The following TCF12 variants were observed in gnomAD, a reference collection of about 807,000 sequenced individuals.
TCF12 encodes transcription factor 12.
In TCF12, 45 loss-of-function variants were observed where a neutral mutation model predicts 86.0. The observed-to-expected ratio is 0.52, with a 90% confidence interval of 0.41 to 0.67. TCF12 has a LOEUF of 0.67. Ranked by LOEUF, TCF12 falls within the 30% of genes least tolerant of loss-of-function variation. The probability of loss-of-function intolerance (pLI) is 0.00; values close to 1 mark genes in which losing one functional copy is unlikely to be tolerated. For missense variants in TCF12, 881 were observed against 859.9 expected (o/e 1.02, Z -0.31); for synonymous variants, 330 against 299.6 (o/e 1.10, Z -1.05).
chr15:57,019,494 G>T (rs909899718), intron 3 of TCF12, among the ~76,000 whole-genome samples: 5 of 152,054 alleles, frequency 3.3e-5, no homozygotes, highest in Non-Finnish European at 7.4e-5. Context: ...GGGAGGCTAA[G>T]GTTTTTAATG....
At chr15:57,155,519 G>T (rs1425441115) in intron 5 of TCF12, among the ~76,000 whole-genome samples, 2 of 152,136 alleles carry the variant, frequency 1.3e-5, no homozygotes, top group East Asian at 1.9e-4. Flanking sequence ...AGCAGGCCAG[G>T]CATGGTGGCT....
chr15:57,231,262 G>A lies in TCF12; in HGVS notation c.685+5G>A, dbSNP rs1209186789. The A allele has an allele frequency of 3.1e-6, 5 of 1,597,200 alleles. No homozygotes were observed. Among genetic ancestry groups the A allele is most frequent in the Non-Finnish European group, 4.3e-6 (5 of 1,165,128 alleles). ...CTAGCACTTTCTTTATGCAAGGTAA[G>A]TACTACCAAACAATTGCCAAATACT... On this transcript the variant is annotated splice_donor_5th_base_variant and intron_variant, in intron 9 of 20. Coordinates refer to ENST00000333725, the MANE Select transcript of TCF12 (RefSeq NM_207037.2).
In TCF12 at chr15:57,103,194, A is replaced by G. The variant is rs143332117; in HGVS notation, c.325+11303A>G. On this transcript the variant is annotated intron_variant, in intron 5 of 20. Transcript: ENST00000333725. ...GAGAATCTCCCCAAAGGGTATGTACAATAAAAATACAGCATTTTCTAGGCT... is the reference window on the plus strand; with the variant it reads ...GAGAATCTCCCCAAAGGGTATGTACGATAAAAATACAGCATTTTCTAGGCT... 3.2e-3 allele frequency among the ~76,000 whole-genome samples: 484 copies of G among 152,370 alleles called. 2 individuals are homozygous for G. Among genetic ancestry groups the G allele is most frequent in the African/African-American group, 0.011 (469 of 41,584 alleles).
chr15:57,074,618 C>A (rs576968887), intron 4 of TCF12, among the ~76,000 whole-genome samples: 4 of 152,268 alleles, frequency 2.6e-5, no homozygotes, highest in Non-Finnish European at 4.4e-5. Context: ...AGTGCCTCTC[C>A]CACCTTAGCC....
chr15:57,262,991 C>T, intron 17 of TCF12, 121 bp from the exon 18 acceptor site: 2 of 995,394 alleles, frequency 2.0e-6, no homozygotes, highest in East Asian at 2.6e-5. Flanking sequence ...ATCTTCAAAC[C>T]TCCATCATAA....
Position 57,047,805 on chromosome 15 carries a change from C to T in TCF12, c.149-15945C>T, listed in dbSNP as rs147406174. Among the ~76,000 whole-genome samples the T allele has an allele frequency of 5.9e-3, 900 of 152,238 alleles. 4 individuals carry two copies. Among genetic ancestry groups the T allele is most frequent in the Non-Finnish European group, 8.9e-3 (606 of 68,002 alleles). On this transcript the variant is annotated intron_variant, in intron 3 of 20. Coordinates refer to ENST00000333725, the MANE Select transcript of TCF12 (RefSeq NM_207037.2). ...ATGTTTTGAGAAATGCCTTGTTAGGCGATTTCATTCTATTGCTAACATCAT... is the reference window on the plus strand; with the variant it reads ...ATGTTTTGAGAAATGCCTTGTTAGGTGATTTCATTCTATTGCTAACATCAT...
chr15:57,252,722 T>C (rs559359503), intron 15 of TCF12, among the ~76,000 whole-genome samples: 45 of 152,288 alleles, frequency 3.0e-4, no homozygotes, highest in Non-Finnish European at 5.7e-4. Context: ...AATTCTAATA[T>C]GTTTGTGTAT....
At chr15:56,993,998 A>G (rs114476688) in intron 3 of TCF12, among the ~76,000 whole-genome samples, 4,448 of 152,248 alleles carry the variant, frequency 0.029, 189 homozygotes, top group African/African-American at 0.089. Context: ...TCAACAGACA[A>G]TTGTGAACAC....
At chr15:57,276,781 A>G (rs1288738816) in intron 19 of TCF12, among the ~76,000 whole-genome samples, 5 of 150,884 alleles carry the variant, frequency 3.3e-5, no homozygotes, top group Admixed American at 2.7e-4. Flanking sequence ...TTCAACCTAG[A>G]ATTCTTTTTT....
intron 3 of TCF12, among the ~76,000 whole-genome samples, chr15:56,994,868 G>C (rs2063624234): frequency 6.6e-6 from 1 of 152,028 alleles, no homozygotes; most frequent in African/African-American, 2.4e-5. Context: ...TTGACATTAG[G>C]AATGAAAGAA....
In TCF12 at chr15:56,932,206, A is replaced by G. The variant is rs572838542; in HGVS notation, c.148+11108A>G. 3.3e-5 allele frequency among the ~76,000 whole-genome samples: 5 copies of G among 152,352 alleles called. No homozygotes were observed. The South Asian group carries it at 8.3e-4, about 25-fold the overall frequency. ...GTTTTAAAACAAAATCAGTGATGATAAGAGTGCTTCATAAATATTTACTCA... is the reference window on the plus strand; with the variant it reads ...GTTTTAAAACAAAATCAGTGATGATGAGAGTGCTTCATAAATATTTACTCA... On this transcript the variant is annotated intron_variant, in intron 3 of 20. Transcript: ENST00000333725.
intron 3 of TCF12, among the ~76,000 whole-genome samples, chr15:56,958,629 G>A (rs2061596611): frequency 6.6e-6 from 1 of 151,460 alleles, no homozygotes; most frequent in African/African-American, 2.4e-5. Flanking sequence ...GTGCAGCATT[G>A]GACAATATAT....
intron 8 of TCF12, among the ~76,000 whole-genome samples, chr15:57,222,288 A>G (rs1172154482): frequency 6.6e-6 from 1 of 151,014 alleles, no homozygotes; most frequent in Non-Finnish European, 1.5e-5. Flanking sequence ...AGATCTTTTA[A>G]TAAAACTGAA....
At chr15:57,241,543 CTGTT>C (rs762916771) in intron 12 of TCF12, among the ~76,000 whole-genome samples, 5 of 152,058 alleles carry the variant, frequency 3.3e-5, no homozygotes, top group Non-Finnish European at 7.4e-5. Flanking sequence ...TAGATCCTGA[CTGTT>C]TGAGATAGTT....
chr15:57,064,849 T>A (rs891738909), intron 4 of TCF12, among the ~76,000 whole-genome samples: 3 of 147,702 alleles, frequency 2.0e-5, no homozygotes, highest in South Asian at 4.2e-4. Flanking sequence ...AAGGCCATAC[T>A]TTAAGTGAAT....
intron 3 of TCF12, among the ~76,000 whole-genome samples, chr15:57,016,105 G>C (rs1329203963): frequency 6.6e-6 from 1 of 152,178 alleles, no homozygotes; most frequent in Admixed American, 6.5e-5. Context: ...CCTGCAGGTA[G>C]TTTATCTCTA....
chr15:57,185,843 C>A (rs1395120379), intron 6 of TCF12, among the ~76,000 whole-genome samples: 1 of 152,144 alleles, frequency 6.6e-6, no homozygotes, highest in Non-Finnish European at 1.5e-5. Flanking sequence ...GTTTGTGCCA[C>A]TGCACTCCAG....
At chr15:57,011,690 C>G (rs2064839457) in intron 3 of TCF12, among the ~76,000 whole-genome samples, 1 of 152,104 alleles carries the variant, frequency 6.6e-6, no homozygotes, top group South Asian at 2.1e-4. Context: ...TTTGCAGACA[C>G]CAAAACAGTC....
rs922119237 is a variant in TCF12, at chr15:57,196,287, A to G, written c.527-1486A>G. 4.6e-5 allele frequency among the ~76,000 whole-genome samples: 7 copies of G among 152,320 alleles called. No homozygotes were observed. The South Asian group carries it at 1.5e-3, about 32-fold the overall frequency. On this transcript the variant is annotated intron_variant, in intron 7 of 20. Coordinates refer to ENST00000333725, the MANE Select transcript of TCF12 (RefSeq NM_207037.2). ...ATTTACATAGCATTTTCATAGTATT[A>G]GGTATTATACATAATAATGTAGAGA... is the stretch of plus-strand genomic sequence containing the variant.
Sources: gnomAD v4.1 joint callset for allele counts (sites outside exome capture counted in the v4.1 genomes callset) on GRCh38, gnomAD v4.1.1 for gene constraint, MANE v1.5 for transcripts, NCBI Gene and HGNC (gene_info 2026-07-23, HGNC 2026-07-21) for gene names.